The following FBXW11 variants were observed in gnomAD, a reference collection of about 807,000 sequenced individuals.
FBXW11 encodes F-box/WD repeat-containing protein 11.
Under a neutral mutation model 77.6 loss-of-function variants are expected in FBXW11, and 19 were observed. The ratio of observed to expected loss-of-function variants is 0.24; its 90% CI spans 0.17 to 0.36. The LOEUF is 0.36. Ranked by LOEUF, FBXW11 falls within the 10% of genes least tolerant of loss-of-function variation. FBXW11 has a pLI of 1.00. For missense variants in FBXW11, 334 were observed against 704.2 expected (o/e 0.47, Z 5.95); for synonymous variants, 235 against 249.4 (o/e 0.94, Z 0.54).
intron 6 of FBXW11, among the ~76,000 whole-genome samples, chr5:171,896,178 T>C (rs1397647273): frequency 1.3e-5 from 2 of 152,026 alleles, no homozygotes; most frequent in East Asian, 3.9e-4. Context: ...TCTGGGAACG[T>C]ACAGATTACA....
chr5:171,907,045 A>G (rs1368919997), intron 4 of FBXW11, among the ~76,000 whole-genome samples: 1 of 152,238 alleles, frequency 6.6e-6, no homozygotes, highest in East Asian at 1.9e-4. Context: ...ATCTGTCCCT[A>G]CTTTACATGG....
intron 1 of FBXW11, among the ~76,000 whole-genome samples, chr5:172,001,481 A>C (rs1766408969): frequency 6.6e-6 from 1 of 152,156 alleles, no homozygotes; most frequent in Admixed American, 6.6e-5. Flanking sequence ...TACCACAAAG[A>C]AGACACCGTG....
chr5:171,979,360 C>T (rs111909630), intron 1 of FBXW11, among the ~76,000 whole-genome samples: 50 of 151,966 alleles, frequency 3.3e-4, no homozygotes, highest in African/African-American at 1.0e-3. Flanking sequence ...TACATATGTA[C>T]ATGTATATGT....
chr5:171,899,396 A>C (rs1397952406), intron 5 of FBXW11, among the ~76,000 whole-genome samples: 4 of 152,208 alleles, frequency 2.6e-5, no homozygotes, highest in Admixed American at 2.6e-4. Flanking sequence ...CTTAGTACAC[A>C]TCAAACTTCC....
chr5:171,985,942 G>C (rs1287633427), intron 1 of FBXW11, among the ~76,000 whole-genome samples: 1 of 151,930 alleles, frequency 6.6e-6, no homozygotes, highest in East Asian at 1.9e-4. Flanking sequence ...ACAAGATTCT[G>C]ACCCAAAAAA....
chr5:171,969,511 C>T (rs1764405835), intron 1 of FBXW11, among the ~76,000 whole-genome samples: 1 of 152,082 alleles, frequency 6.6e-6, no homozygotes, highest in South Asian at 2.1e-4. Flanking sequence ...ATACTAAATG[C>T]TTTGATAGAC....
At chr5:171,868,895 A>C in intron 12 of FBXW11, 99 bp from the exon 13 acceptor site, 3 of 1,078,538 alleles carry the variant, frequency 2.8e-6, no homozygotes, top group Non-Finnish European at 4.0e-6. Context: ...AGCCACTTAA[A>C]CAGACTTCCT....
Position 171,984,128 on chromosome 5 carries a change from G to T in FBXW11, c.45+22330C>A, listed in dbSNP as rs73803805. On this transcript the variant is annotated intron_variant, in intron 1 of 13. Transcript: ENST00000517395. ...AAAACAGACATAACTAGCCTACAGT[G>T]AAAGAGGTCAGAAAAGGCCTTTAAG... 6.7e-3 allele frequency among the ~76,000 whole-genome samples: 1,022 copies of T among 152,312 alleles called. 14 individuals carry two copies. The highest frequency in any genetic ancestry group is 0.024 in the African/African-American group (985 of 41,558).
intron 1 of FBXW11, among the ~76,000 whole-genome samples, chr5:171,974,887 C>A (rs889038143): frequency 1.3e-5 from 2 of 152,142 alleles, no homozygotes; most frequent in Admixed American, 6.5e-5. Context: ...CTCAACCTCC[C>A]AGGTTCAAGT....
chr5:171,955,970 G>A (rs1405549004), intron 2 of FBXW11, among the ~76,000 whole-genome samples: 1 of 152,078 alleles, frequency 6.6e-6, no homozygotes, highest in African/African-American at 2.4e-5. Flanking sequence ...TCACAATACT[G>A]TTACTAAAAT....
chr5:171,898,938 A>C (rs1759929888), intron 6 of FBXW11, 66 bp downstream of exon 6: 1 of 1,056,422 alleles, frequency 9.5e-7, no homozygotes, highest in African/African-American at 1.6e-5. Flanking sequence ...AGAACACTCT[A>C]AGGCAACATA....
chr5:172,006,130 AAAG>A lies in FBXW11; in HGVS notation c.45+325_45+327del, dbSNP rs139323189. The stretch of plus-strand genomic sequence containing the variant: ...GGAAAGAAAAAAAAATCCCTTTCTA[AAAG>A]AAGGAGAATGGGGTGCTAGAGCGAG... On this transcript the variant is annotated intron_variant, in intron 1 of 13. Coordinates refer to ENST00000517395, the MANE Select transcript of FBXW11 (RefSeq NM_001378974.1). 5.6e-3 allele frequency among the ~76,000 whole-genome samples: 855 copies of A among 152,322 alleles called. 7 individuals are homozygous for A. The highest frequency in any genetic ancestry group is 0.02 in the African/African-American group (822 of 41,582).
chr5:171,937,809 G>C (rs1177172233), intron 2 of FBXW11, among the ~76,000 whole-genome samples: 1 of 138,046 alleles, frequency 7.2e-6, no homozygotes, highest in East Asian at 2.1e-4. Context: ...ACTTAGGTGA[G>C]AGAATGAGAC....
rs1471581338 is a variant in FBXW11 at position 171,862,074 on chromosome 5, T to A, written c.*2053A>T. On this transcript the variant is annotated 3_prime_UTR_variant, in exon 14 of 14. Coordinates refer to ENST00000517395, the MANE Select transcript of FBXW11 (RefSeq NM_001378974.1). ...ACGAGGGGAACTTCTATATTAAACA[T>A]GCAAAAACAACAAAAAATCCATTCA... The A allele has an allele frequency of 2.6e-5, 4 of 152,604 alleles. No individual in the cohort carries two copies. The highest frequency in any genetic ancestry group is 5.9e-5 in the Non-Finnish European group (4 of 68,028). The allele number at this position is 152,604 out of a possible 1,614,324, so 9.5% of individuals were successfully genotyped here. A position where few individuals can be genotyped will look rare whatever the true frequency, so the allele number is the denominator to read the frequency against.
chr5:171,967,917 CACAT>C (rs1561732457), intron 1 of FBXW11, among the ~76,000 whole-genome samples: 8 of 148,496 alleles, frequency 5.4e-5, no homozygotes, highest in African/African-American at 1.3e-4. Context: ...CACACACACA[CACAT>C]ATAAATCTGG....
chr5:171,927,423 G>A (rs979554847), intron 2 of FBXW11, among the ~76,000 whole-genome samples: 1 of 151,950 alleles, frequency 6.6e-6, no homozygotes, highest in Non-Finnish European at 1.5e-5. Flanking sequence ...TTCAAACCAA[G>A]GAAGAATCAC....
At chr5:171,873,772 G>T (rs1757899980) in intron 9 of FBXW11, among the ~76,000 whole-genome samples, 1 of 152,176 alleles carries the variant, frequency 6.6e-6, no homozygotes, top group South Asian at 2.1e-4. Context: ...CTCTTTTGTG[G>T]TATCTGACTT....
chr5:171,939,696 CAAAA>C (rs58051402), intron 2 of FBXW11, among the ~76,000 whole-genome samples: 1,520 of 80,052 alleles, frequency 0.019, 24 homozygotes, highest in African/African-American at 0.061. Context: ...GACCCTGTCT[CAAAA>C]AAAAAAAAAA....
chr5:171,995,082 A>T (rs574266698), intron 1 of FBXW11, among the ~76,000 whole-genome samples: 1 of 152,314 alleles, frequency 6.6e-6, no homozygotes, highest in African/African-American at 2.4e-5. Flanking sequence ...TAAAAAGAAA[A>T]TTTTTTTAAG....
Sources: gnomAD v4.1 joint callset for allele counts (sites outside exome capture counted in the v4.1 genomes callset) on GRCh38, gnomAD v4.1.1 for gene constraint, MANE v1.5 for transcripts, NCBI Gene and HGNC (gene_info 2026-07-23, HGNC 2026-07-21) for gene names.